Variants in SLC44A1 observed in about 807,000 individuals in gnomAD.
The protein encoded by SLC44A1 is choline transporter-like protein 1.
Under a neutral mutation model 79.3 loss-of-function variants are expected in SLC44A1, and 26 were observed. The observed-to-expected ratio is 0.33, with a 90% CI of 0.24 to 0.46. The LOEUF (loss-of-function observed/expected upper bound fraction) is 0.46. Ranked by LOEUF, SLC44A1 falls within the 20% of genes least tolerant of loss-of-function variation. SLC44A1 has a pLI of 1.00. For missense variants in SLC44A1, 688 were observed against 798.1 expected (o/e 0.86, Z 1.66); for synonymous variants, 263 against 286.2 (o/e 0.92, Z 0.82).
chr9:105,329,561 A>G (rs953147700), intron 3 of SLC44A1, among the ~76,000 whole-genome samples: 1 of 152,116 alleles, frequency 6.6e-6, no homozygotes, highest in African/African-American at 2.4e-5. Context: ...CTAGCCTTCA[A>G]TTCGAGGGGC....
intron 4 of SLC44A1, among the ~76,000 whole-genome samples, chr9:105,347,561 A>G (rs1266682669): frequency 6.6e-6 from 1 of 152,074 alleles, no homozygotes; most frequent in Non-Finnish European, 1.5e-5. Flanking sequence ...CCAGCTTTAT[A>G]GAGTTATAGT....
chr9:105,332,015 A>C (rs1164364230), intron 3 of SLC44A1, among the ~76,000 whole-genome samples: 7 of 152,134 alleles, frequency 4.6e-5, no homozygotes, highest in Non-Finnish European at 1.0e-4. Flanking sequence ...TCTGAACCTA[A>C]GGTCAAGGTC....
intron 15 of SLC44A1, among the ~76,000 whole-genome samples, chr9:105,415,662 A>T (rs933475679): frequency 2.0e-5 from 3 of 152,138 alleles, no homozygotes; most frequent in African/African-American, 7.2e-5. Flanking sequence ...CCAATACTAA[A>T]GGCATTTAGT....
intron 13 of SLC44A1, among the ~76,000 whole-genome samples, chr9:105,377,140 GATGCC>G (rs1280886418): frequency 6.6e-6 from 1 of 152,134 alleles, no homozygotes; most frequent in East Asian, 1.9e-4. Context: ...TAAACAATCT[GATGCC>G]TAACAATAGA....
chr9:105,395,630 T>G lies in SLC44A1; in HGVS notation c.*6574T>G. 1.0e-6 allele frequency: 1 copy of G among 985,278 alleles called. No homozygotes were observed. Among genetic ancestry groups the G allele is most frequent in the Non-Finnish European group, 1.2e-6 (1 of 829,750 alleles). The allele number at this position is 985,278 out of a possible 1,614,324, so 61.0% of individuals were successfully genotyped here. A position where few individuals can be genotyped will look rare whatever the true frequency, so the allele number is the denominator to read the frequency against. On this transcript the variant is annotated 3_prime_UTR_variant, in exon 16 of 16. Coordinates refer to ENST00000374720, the MANE Select transcript of SLC44A1 (RefSeq NM_080546.5). Reference sequence around the variant, plus strand: ...CCAGTCTAAGTATCTAAATGTGATATGCCCTTTTGTCACAGAAGTGTAAGA... The same window carrying G: ...CCAGTCTAAGTATCTAAATGTGATAGGCCCTTTTGTCACAGAAGTGTAAGA...
intron 1 of SLC44A1, among the ~76,000 whole-genome samples, chr9:105,295,959 A>C (rs750612111): frequency 1.3e-5 from 2 of 152,210 alleles, no homozygotes; most frequent in Admixed American, 1.3e-4. Context: ...GGCATTAACA[A>C]TGGCAGCTAA....
chr9:105,394,617 A>C lies in SLC44A1; in HGVS notation c.*5561A>C. The C allele has an allele frequency of 2.0e-6, 2 of 985,292 alleles. No individual in the cohort carries two copies. The highest frequency in any genetic ancestry group is 1.2e-6 in the Non-Finnish European group (1 of 829,882). The allele number at this position is 985,292 out of a possible 1,614,324, so 61.0% of individuals were successfully genotyped here. On this transcript the variant is annotated 3_prime_UTR_variant, in exon 16 of 16. Transcript: ENST00000374720. ...TGTAGCTCAGCTATGACATTATGAC[A>C]TTATGTGGCTTAGTGTTATCAGTAT... is the stretch of plus-strand genomic sequence containing the variant.
intron 4 of SLC44A1, among the ~76,000 whole-genome samples, chr9:105,337,555 A>G (rs1465139996): frequency 6.6e-6 from 1 of 152,242 alleles, no homozygotes; most frequent in Non-Finnish European, 1.5e-5. Context: ...TACTACTGAC[A>G]TATTAACATT....
At chr9:105,291,812 G>C (rs1830606917) in intron 1 of SLC44A1, among the ~76,000 whole-genome samples, 1 of 152,132 alleles carries the variant, frequency 6.6e-6, no homozygotes, top group African/African-American at 2.4e-5. Context: ...GGGATTCCTG[G>C]CCTGCCAGCT....
intron 4 of SLC44A1, 53 bp from the exon 5 acceptor site, chr9:105,348,305 A>G: frequency 2.2e-6 from 2 of 916,844 alleles, no homozygotes; most frequent in Non-Finnish European, 3.5e-6. Flanking sequence ...AATGAATAGT[A>G]AGAGAATTTT....
chr9:105,375,014 CTCTT>C (rs747896439), intron 13 of SLC44A1, among the ~76,000 whole-genome samples: 4 of 152,100 alleles, frequency 2.6e-5, no homozygotes, highest in Non-Finnish European at 5.9e-5. Context: ...GCCTATGTTT[CTCTT>C]TCTGTGTTGT....
Position 105,393,175 on chromosome 9 carries a change from G to A in SLC44A1, c.*4119G>A. 5.1e-6 allele frequency: 5 copies of A among 985,458 alleles called. No individual in the cohort carries two copies. Among genetic ancestry groups the A allele is most frequent in the East Asian group, 1.1e-4 (1 of 8,820 alleles). 61.0% of individuals were successfully genotyped at this position (985,458 alleles called of 1,614,324 possible). A position where few individuals can be genotyped will look rare whatever the true frequency, so the allele number is the denominator to read the frequency against. ...CGTAACGCAGATATTTGTGTATTCTGTATTCACAGCGTAGGCTGCCTTTTG... is the reference window on the plus strand; with the variant it reads ...CGTAACGCAGATATTTGTGTATTCTATATTCACAGCGTAGGCTGCCTTTTG... On this transcript the variant is annotated 3_prime_UTR_variant, in exon 16 of 16. Coordinates refer to ENST00000374720, the MANE Select transcript of SLC44A1 (RefSeq NM_080546.5).
intron 5 of SLC44A1, among the ~76,000 whole-genome samples, chr9:105,353,383 T>G (rs1827512841): frequency 6.6e-6 from 1 of 152,212 alleles, no homozygotes; most frequent in Admixed American, 6.5e-5. Context: ...TTTTGAGAGT[T>G]CTGGTCATTC....
chr9:105,437,567 G>A (rs1480575106), intron 15 of SLC44A1, among the ~76,000 whole-genome samples: 2 of 151,662 alleles, frequency 1.3e-5, no homozygotes, highest in African/African-American at 4.8e-5. Context: ...ATACGTCATT[G>A]CCCTTTAGTC....
Position 105,366,332 on chromosome 9 carries a change from T to A in SLC44A1, c.1411-14T>A, listed in dbSNP as rs1827940059. On this transcript the variant is annotated splice_polypyrimidine_tract_variant and intron_variant, in intron 11 of 15. Transcript: ENST00000374720. ...CTTTGGTTTTTTTATTATTTCCATTTTTCCCCCATCCAGGAAAATGCTTGT... is the reference window on the plus strand; with the variant it reads ...CTTTGGTTTTTTTATTATTTCCATTATTCCCCCATCCAGGAAAATGCTTGT... 1 of 1,416,396 alleles carries A rather than the reference T, an allele frequency of 7.1e-7. No individual in the cohort carries two copies. Among genetic ancestry groups the A allele is most frequent in the South Asian group, 1.6e-5 (1 of 62,794 alleles). The allele number at this position is 1,416,396 out of a possible 1,614,324, so 87.7% of individuals were successfully genotyped here. A position where few individuals can be genotyped will look rare whatever the true frequency, so the allele number is the denominator to read the frequency against.
chr9:105,302,066 T>C (rs1349667147), intron 2 of SLC44A1, among the ~76,000 whole-genome samples: 1 of 152,238 alleles, frequency 6.6e-6, no homozygotes, highest in African/African-American at 2.4e-5. Context: ...TCTCTTTTAT[T>C]TCTTCCCTTA....
chr9:105,276,206 C>G (rs1830197275), intron 1 of SLC44A1, among the ~76,000 whole-genome samples: 1 of 152,178 alleles, frequency 6.6e-6, no homozygotes, highest in Non-Finnish European at 1.5e-5. Flanking sequence ...CTTAATAAAT[C>G]TCTTGAACAG....
At chr9:105,365,726 T>C (rs1827920319) in intron 11 of SLC44A1, 87 bp downstream of exon 11, 1 of 1,291,718 alleles carries the variant, frequency 7.7e-7, no homozygotes, top group Non-Finnish European at 1.1e-6. Context: ...TAATGTTAAA[T>C]ACAAAGTTGT....
At chr9:105,273,703 C>T (rs1830130792) in intron 1 of SLC44A1, among the ~76,000 whole-genome samples, 1 of 151,976 alleles carries the variant, frequency 6.6e-6, no homozygotes, top group African/African-American at 2.4e-5. Context: ...CCTGCAGTCA[C>T]AGAGCAGTGA....
Sources: allele counts gnomAD v4.1 joint callset (sites outside exome capture counted in the v4.1 genomes callset), GRCh38; gene constraint gnomAD v4.1.1; transcripts MANE v1.5; gene names NCBI Gene and HGNC (gene_info 2026-07-23, HGNC 2026-07-21).